The following JMJD6 variants were observed in gnomAD, a reference collection of about 807,000 sequenced individuals.
JMJD6 encodes jumonji domain containing 6, arginine demethylase and lysine hydroxylase.
JMJD6 carries 17 observed loss-of-function variants against 45.8 expected under a neutral mutation model. The ratio of observed to expected loss-of-function variants is 0.37; its 90% CI spans 0.25 to 0.56. The LOEUF (loss-of-function observed/expected upper bound fraction) is 0.56, where lower values mean the gene tolerates loss of function less well. Among genes scored for constraint, JMJD6 ranks in the 20% least tolerant of loss-of-function variants. The pLI, the probability that JMJD6 is intolerant of heterozygous loss-of-function variation, is 0.79. For synonymous variants in JMJD6, 221 were observed against 196.3 expected, an observed-to-expected ratio of 1.13 and a Z score of -1.05; for missense variants, 470 against 517.5, an observed-to-expected ratio of 0.91 and a Z score of 0.89.
chr17:76,722,624 T>C (rs1459494942), intron 3 of JMJD6, among the ~76,000 whole-genome samples: 2 of 151,618 alleles, frequency 1.3e-5, no homozygotes, highest in East Asian at 1.9e-4. Flanking sequence ...GACGGGTGGG[T>C]TGCCTGAGCT....
chr17:76,723,803 T>A lies in JMJD6; in HGVS notation c.774A>T (p.Leu258Phe), dbSNP rs1270030569. The A allele has an allele frequency of 1.2e-6, 2 of 1,614,048 alleles. No homozygotes were observed. Among genetic ancestry groups the A allele is most frequent in the African/African-American group, 1.3e-5 (1 of 74,934 alleles). The stretch of plus-strand genomic sequence containing the variant: ...CAAAGACAGTCTCTCCTGGTTTTTG[T>A]AAGATTTCCAGGGGTTTGAATTCAG... ...WPPEFKPLEI[L>F]QKPGETVFVP... Residue 258 changes from leucine to phenylalanine, a missense_variant, in exon 3 of 6, where the codon TTA (leucine) becomes TTT (phenylalanine). Leu to Phe is a conservative substitution (Grantham distance 22). This residue lies in a region of JMJD6 where 346 missense variants were observed against 339.5 expected (regional missense o/e 1.02). Transcript: ENST00000397625.
chr17:76,724,938 G>C (rs531972134), intron 2 of JMJD6, among the ~76,000 whole-genome samples: 1 of 152,192 alleles, frequency 6.6e-6, no homozygotes, highest in African/African-American at 2.4e-5. Flanking sequence ...GTCACCTGAA[G>C]AGCTTTCAGA....
At chr17:76,720,636 T>C (rs2076811977) in intron 4 of JMJD6, 138 bp from the exon 5 acceptor site, 1 of 764,572 alleles carries the variant, frequency 1.3e-6, no homozygotes. Context: ...TACTGTACAA[T>C]GGTGAGGACA....
At position 76,726,491 on chromosome 17, in the gene JMJD6, G is replaced by T; in HGVS notation, c.-16C>A. 6.3e-7 allele frequency: 1 copy of T among 1,585,276 alleles called. No homozygotes were observed. The highest frequency in any genetic ancestry group is 8.6e-7 in the Non-Finnish European group (1 of 1,166,448). ...TGTGGTTCATTCTGCGGGGTCGCCA[G>T]CTGGTTCCGCTACGACCTCGGCGCA... On this transcript the variant is annotated 5_prime_UTR_variant, in exon 1 of 6. The change creates a new upstream start codon in the 5' untranslated region. Transcript: ENST00000397625.
At chr17:76,714,970 T>C (rs960503624), downstream of JMJD6, 1 of 152,102 alleles carries the variant, frequency 6.6e-6, no homozygotes, top group Admixed American at 6.6e-5. Flanking sequence ...TTTTTAAAAT[T>C]CAAAATTTCT....
intron 2 of JMJD6, among the ~76,000 whole-genome samples, chr17:76,725,129 C>G (rs923975067): frequency 6.6e-6 from 1 of 152,136 alleles, no homozygotes; most frequent in Non-Finnish European, 1.5e-5. Flanking sequence ...TAACCACAGG[C>G]CGGGCGCGGT....
At position 76,726,527 on chromosome 17, in the gene JMJD6, T is replaced by C; in HGVS notation, c.-52A>G. The C allele has an allele frequency of 6.4e-7, 1 of 1,554,288 alleles. No homozygotes were observed. Among genetic ancestry groups the C allele is most frequent in the Non-Finnish European group, 8.7e-7 (1 of 1,152,554 alleles). Reference sequence around the variant, plus strand: ...TACGACCTCGGCGCAGCCCGCTTCCTGACACTAACGCACCCCTCCCCGGCC... The same window carrying C: ...TACGACCTCGGCGCAGCCCGCTTCCCGACACTAACGCACCCCTCCCCGGCC... On this transcript the variant is annotated 5_prime_UTR_variant, in exon 1 of 6. Transcript: ENST00000397625.
intron 3 of JMJD6, among the ~76,000 whole-genome samples, chr17:76,722,349 CCTTCA>C (rs751899468): frequency 2.6e-5 from 4 of 152,228 alleles, no homozygotes; most frequent in African/African-American, 4.8e-5. Context: ...ACCTTACTTT[CCTTCA>C]CTTATCAAAG....
intron 5 of JMJD6, among the ~76,000 whole-genome samples, chr17:76,719,240 G>A (rs2076794721): frequency 6.6e-6 from 1 of 152,186 alleles, no homozygotes; most frequent in African/African-American, 2.4e-5. Context: ...CCCAGAGCCT[G>A]TTCCCCGCCT....
intron 3 of JMJD6, 85 bp from the exon 4 acceptor site, chr17:76,722,018 C>G: frequency 1.4e-6 from 2 of 1,455,958 alleles, no homozygotes; most frequent in Non-Finnish European, 1.9e-6. Flanking sequence ...ATTGGGAACT[C>G]CTACCCATAA....
At chr17:76,723,093 C>T (rs2076848773) in intron 3 of JMJD6, among the ~76,000 whole-genome samples, 1 of 151,386 alleles carries the variant, frequency 6.6e-6, no homozygotes, top group African/African-American at 2.4e-5. Context: ...TTACAGGCGC[C>T]CGCCACCACG....
At chr17:76,719,097 C>T (rs2076793169) in intron 5 of JMJD6, among the ~76,000 whole-genome samples, 1 of 152,162 alleles carries the variant, frequency 6.6e-6, no homozygotes, top group African/African-American at 2.4e-5. Context: ...GTTCTCTTAA[C>T]CGTGTGGTTA....
rs990480288 is a variant in JMJD6, at chr17:76,726,584, C to T, written c.-109G>A. 2.1e-6 allele frequency: 3 copies of T among 1,401,828 alleles called. No homozygotes were observed. The highest frequency in any genetic ancestry group is 2.5e-5 in the East Asian group (1 of 39,472). 86.8% of individuals were successfully genotyped at this position (1,401,828 alleles called of 1,614,324 possible). On this transcript the variant is annotated 5_prime_UTR_variant, in exon 1 of 6. Transcript: ENST00000397625. The stretch of plus-strand genomic sequence containing the variant: ...GCGGCGACGGCAGTACCCAAACGCC[C>T]TTCGCTCAGTCCCGGCGCCTTTAAA...
In JMJD6 at chr17:76,720,364, G is replaced by A. The variant is rs1598376054; in HGVS notation, c.1076C>T (p.Ser359Leu). 6.8e-6 allele frequency: 11 copies of A among 1,613,956 alleles called. No homozygotes were observed. Among genetic ancestry groups the A allele is most frequent in the East Asian group, 2.2e-5 (1 of 44,892 alleles). ...AGCCAGAGAGCAAGGCCTCACCTCT[G>A]AGTCGGAGTCTGACGAACTGGAGCT... ...SSSSSSSDSD[S>L]ECESGSEGDG... The change falls in exon 5 of 6, where the codon TCA becomes TTA. Residue 359 changes from serine to leucine, a missense_variant. Around this residue, in one of 4 missense-constraint regions of JMJD6, gnomAD observed 45 missense variants for 37.2 expected, o/e 1.21. Transcript: ENST00000397625.
At chr17:76,719,311 CAA>C (rs1392462517) in intron 5 of JMJD6, among the ~76,000 whole-genome samples, 1 of 150,558 alleles carries the variant, frequency 6.6e-6, no homozygotes, top group East Asian at 1.9e-4. Flanking sequence ...TTTTTTGAGA[CAA>C]AGTCTTACTC....
intron 2 of JMJD6, among the ~76,000 whole-genome samples, chr17:76,725,177 G>C (rs8071014): frequency 6.6e-6 from 1 of 151,986 alleles, no homozygotes. Context: ...GGGAGGCCGA[G>C]GCGGGCAGAT....
intron 2 of JMJD6, among the ~76,000 whole-genome samples, chr17:76,724,279 G>A (rs1231147213): frequency 3.3e-5 from 5 of 151,658 alleles, no homozygotes; most frequent in Admixed American, 1.3e-4. Context: ...ACACCACCAC[G>A]CCTGGCTAAT....
Position 76,723,962 on chromosome 17 carries a change from G to A in JMJD6, c.615C>T (p.Arg205=), listed in dbSNP as rs757364013. ...AWNALVQGHK[R]WCLFPTSTPR... Reference sequence around the variant, plus strand: ...GAGTGCTGGTAGGAAACAGGCACCAGCGCTTGTGGCCCTGAACTAAGGCAT... The same window carrying A: ...GAGTGCTGGTAGGAAACAGGCACCAACGCTTGTGGCCCTGAACTAAGGCAT... The change falls in exon 3 of 6, where the codon CGC becomes CGT. Residue 205 remains arginine (R), a synonymous_variant. Transcript: ENST00000397625. The A allele has an allele frequency of 6.2e-7, 1 of 1,614,134 alleles. No individual in the cohort carries two copies.
At chr17:76,726,113 G>A (rs1043442350) in intron 1 of JMJD6, among the ~76,000 whole-genome samples, 3 of 152,206 alleles carry the variant, frequency 2.0e-5, no homozygotes, top group African/African-American at 7.2e-5. Flanking sequence ...AGTTGAGAGC[G>A]CCACAGGCGT....
Sources: allele counts gnomAD v4.1 joint callset (sites outside exome capture counted in the v4.1 genomes callset), GRCh38; gene constraint gnomAD v4.1.1; regional missense constraint gnomAD v4.1.1; transcripts MANE v1.5; gene names NCBI Gene and HGNC (gene_info 2026-07-23, HGNC 2026-07-21).